CCDC163: variants seen among roughly 807,000 people sequenced by gnomAD.
The protein encoded by CCDC163 is CCDC163 homolog, also known as transmembrane protein CCDC163.
Under a neutral mutation model 8.2 loss-of-function variants are expected in CCDC163, and 13 were observed. That is an observed-to-expected ratio of 1.59 (90% CI 1.04 to 2.54). The LOEUF is 2.54. Ranked by LOEUF, CCDC163 falls within the 30% of genes most tolerant of loss-of-function variation. The pLI, the probability that CCDC163 is intolerant of heterozygous loss-of-function variation, is 0.00. For missense variants in CCDC163, 117 were observed against 78.6 expected (o/e 1.49, Z -1.85); for synonymous variants, 41 against 30.9 (o/e 1.33, Z -1.08).
At chr1:45,498,292 C>T (rs1304139077) in intron 2 of CCDC163, among the ~76,000 whole-genome samples, 9 of 149,946 alleles carry the variant, frequency 6.0e-5, no homozygotes, top group African/African-American at 2.2e-4. Flanking sequence ...CCTTTGTTCA[C>T]TTGTTTATCT....
At chr1:45,495,393 CG>C (rs1654022776) in intron 4 of CCDC163, 2 of 702,882 alleles carry the variant, frequency 2.8e-6, no homozygotes, top group African/African-American at 1.7e-5. Flanking sequence ...TCCCCCAAAA[CG>C]GGAATCCTTG....
Position 45,494,283 on chromosome 1 carries a change from C to T in CCDC163, c.*776G>A, listed in dbSNP as rs778931452. ...CCAGCCTGGGCAACATGGTGAAAAC[C>T]TGTCTCTACAAAAAATATTTAAAAA... On this transcript the variant is annotated 3_prime_UTR_variant, in exon 5 of 5. Coordinates refer to ENST00000629482, the MANE Select transcript of CCDC163 (RefSeq NM_001102601.3). The T allele has an allele frequency of 3.3e-5, 5 of 152,104 alleles. No individual in the cohort carries two copies. Among genetic ancestry groups the T allele is most frequent in the African/African-American group, 1.2e-4 (5 of 41,356 alleles). The allele number at this position is 152,104 out of a possible 1,614,324, so 9.4% of individuals were successfully genotyped here.
At chr1:45,495,638 A>T in intron 4 of CCDC163, 2 of 609,022 alleles carry the variant, frequency 3.3e-6, no homozygotes, top group Non-Finnish European at 3.0e-6. Context: ...TCAGGCTAGG[A>T]CTCTGGTCTC....
intron 2 of CCDC163, among the ~76,000 whole-genome samples, chr1:45,497,678 CCGG>C (rs1643360827): frequency 1.3e-4 from 10 of 77,952 alleles, no homozygotes; most frequent in African/African-American, 2.6e-4. Flanking sequence ...GCGTCTCCGC[CCGG>C]CAGCCACCCC....
chr1:45,495,907 C>T (rs1353711127), intron 4 of CCDC163, among the ~76,000 whole-genome samples: 2 of 152,138 alleles, frequency 1.3e-5, no homozygotes, highest in Admixed American at 6.5e-5. Flanking sequence ...ATCCGCCCAC[C>T]TCGGCCTCCC....
chr1:45,498,292 C>A (rs1304139077), intron 2 of CCDC163, among the ~76,000 whole-genome samples: 5 of 149,832 alleles, frequency 3.3e-5, no homozygotes, highest in Non-Finnish European at 7.4e-5. Context: ...CCTTTGTTCA[C>A]TTGTTTATCT....
intron 2 of CCDC163, among the ~76,000 whole-genome samples, chr1:45,497,706 T>TG (rs1311340376): frequency 8.5e-4 from 12 of 14,154 alleles, no homozygotes; most frequent in African/African-American, 9.7e-4. Flanking sequence ...GGGAGGGAGG[T>TG]GGAGGGGGTC....
Position 45,496,440 on chromosome 1 carries a change from G to C in CCDC163, c.330+116C>G, listed in dbSNP as rs770493971. 4.4e-5 allele frequency: 31 copies of C among 707,260 alleles called. No homozygotes were observed. In the South Asian group the frequency reaches 4.6e-4, roughly 11 times the overall value. The allele number at this position is 707,260 out of a possible 1,614,324, so 43.8% of individuals were successfully genotyped here. On this transcript the variant is annotated intron_variant, in intron 4 of 4. Transcript: ENST00000629482. ...GAGAGAGTCAGCACAGGGAAGAGAG[G>C]AATGAAGACAGGGGCAGGAGAGGGT...
intron 2 of CCDC163, among the ~76,000 whole-genome samples, chr1:45,498,256 G>A (rs1643415086): frequency 1.3e-5 from 2 of 151,796 alleles, no homozygotes; most frequent in African/African-American, 4.8e-5. Flanking sequence ...AAGGCCGCAG[G>A]GTCCTCTGCC....
chr1:45,496,361 G>A, intron 4 of CCDC163, 195 bp downstream of exon 4: 1 of 686,320 alleles, frequency 1.5e-6, no homozygotes, highest in Non-Finnish European at 2.7e-6. Flanking sequence ...TGTCGGCAAG[G>A]ATAGTTTCTC....
chr1:45,496,457 G>A (rs1654146360), intron 4 of CCDC163, 99 bp downstream of exon 4: 1 of 716,046 alleles, frequency 1.4e-6, no homozygotes, highest in Non-Finnish European at 2.6e-6. Flanking sequence ...GACAGGGGCA[G>A]GAGAGGGTAT....
Position 45,496,614 on chromosome 1 carries a change from T to G in CCDC163, c.272A>C (p.Gln91Pro), listed in dbSNP as rs761821145. ...AGCCAGCTGTTTCAGCAGCAGCTCC[T>G]GGTGCTGGCCTGCAGATGAGAGAGA... ...KLLQYQLSQH[Q>P]ELLLKQLAEG... is the part of the protein sequence containing the mutation. Residue 91 changes from glutamine (Q) to proline (P), a missense_variant, in exon 4 of 5, where the codon CAG (glutamine) becomes CCG (proline). Gln to Pro is a moderately conservative substitution (Grantham distance 76). Coordinates refer to ENST00000629482, the MANE Select transcript of CCDC163 (RefSeq NM_001102601.3). 3 of 780,148 alleles carry G rather than the reference T, an allele frequency of 3.8e-6. No individual in the cohort carries two copies. The Admixed American group carries it at 5.1e-5, about 13-fold the overall frequency. The allele number at this position is 780,148 out of a possible 1,614,324, so 48.3% of individuals were successfully genotyped here.
At chr1:45,495,264 G>A in intron 4 of CCDC163, 98 bp from the exon 5 acceptor site, 1 of 750,288 alleles carries the variant, frequency 1.3e-6, no homozygotes, top group Non-Finnish European at 2.5e-6. Flanking sequence ...GAGGGACATA[G>A]AGGACTGACA....
At chr1:45,495,233 G>A in intron 4 of CCDC163, 67 bp from the exon 5 acceptor site, 1 of 777,172 alleles carries the variant, frequency 1.3e-6, no homozygotes, top group South Asian at 1.3e-5. Flanking sequence ...ATAGAACTAG[G>A]CCCTAGGCCT....
intron 2 of CCDC163, among the ~76,000 whole-genome samples, chr1:45,497,620 C>T (rs1270402887): frequency 1.6e-3 from 172 of 106,724 alleles, no homozygotes; most frequent in Middle Eastern, 8.1e-3. Context: ...CCCAAAGTGC[C>T]GAGACTGCAG....
At chr1:45,496,676 C>T in intron 3 of CCDC163, 53 bp from the exon 4 acceptor site, 1 of 733,534 alleles carries the variant, frequency 1.4e-6, no homozygotes. Context: ...TTTCCTTCTC[C>T]CTCCCTGCCT....
At position 45,495,116 on chromosome 1, in the gene CCDC163, G is replaced by C. The variant is rs762306823; in HGVS notation, c.381C>G (p.Ser127=). 13 of 780,764 alleles carry C rather than the reference G, an allele frequency of 1.7e-5. No individual in the cohort carries two copies. The highest frequency in any genetic ancestry group is 2.9e-5 in the Non-Finnish European group (12 of 418,004). The allele number at this position is 780,764 out of a possible 1,614,324, so 48.4% of individuals were successfully genotyped here. The change falls in exon 5 of 5, where the codon TCC becomes TCG. Residue 127 remains serine (S), a synonymous_variant. Coordinates refer to ENST00000629482, the MANE Select transcript of CCDC163 (RefSeq NM_001102601.3). The part of the protein sequence containing the change: ...FLTWSPASFS[S]MPRVLSKRTY... The stretch of plus-strand genomic sequence containing the variant: ...TCCTCTTGCTTAAGACTCTGGGCAT[G>C]GAGCTGAAAGATGCTGGGCTCCAGG...
chr1:45,497,129 C>T (rs1461962673), intron 3 of CCDC163, among the ~76,000 whole-genome samples, 170 bp downstream of exon 3: 16 of 152,168 alleles, frequency 1.1e-4, no homozygotes, highest in South Asian at 2.1e-4. Context: ...GCCAAGATTG[C>T]GCCATTGCAA....
rs1334970590 is a variant in CCDC163, at chr1:45,494,828, C to T, written c.*231G>A. On this transcript the variant is annotated 3_prime_UTR_variant, in exon 5 of 5. Transcript: ENST00000629482. Reference sequence around the variant, plus strand: ...AAAAATTAGCGCACACCTGTAATCCCAGCTACTTGGGAGGCTGAGGCAGGA... The same window carrying T: ...AAAAATTAGCGCACACCTGTAATCCTAGCTACTTGGGAGGCTGAGGCAGGA... 3.8e-6 allele frequency: 2 copies of T among 521,250 alleles called. No individual in the cohort carries two copies. Among genetic ancestry groups the T allele is most frequent in the Non-Finnish European group, 6.9e-6 (2 of 288,960 alleles). 32.3% of individuals were successfully genotyped at this position (521,250 alleles called of 1,614,324 possible).
Sources: allele counts gnomAD v4.1 joint callset (sites outside exome capture counted in the v4.1 genomes callset), GRCh38; gene constraint gnomAD v4.1.1; transcripts MANE v1.5; gene names NCBI Gene and HGNC (gene_info 2026-07-23, HGNC 2026-07-21).